The following IL1RAP variants were observed in gnomAD, a reference collection of about 807,000 sequenced individuals.
IL1RAP encodes the protein interleukin-1 receptor accessory protein.
Under a neutral mutation model 60.7 loss-of-function variants are expected in IL1RAP, and 35 were observed. That is an observed-to-expected ratio of 0.58 (90% confidence interval 0.44 to 0.76). The LOEUF (loss-of-function observed/expected upper bound fraction) is 0.76. Ranked by LOEUF, IL1RAP falls within the 30% of genes least tolerant of loss-of-function variation. IL1RAP has a pLI of 0.00. For missense variants in IL1RAP, 572 were observed against 693.9 expected (o/e 0.82, Z 1.97); for synonymous variants, 268 against 250.9 (o/e 1.07, Z -0.64).
At chr3:190,557,319 T>C (rs1443978199) in intron 2 of IL1RAP, among the ~76,000 whole-genome samples, 1 of 152,182 alleles carries the variant, frequency 6.6e-6, no homozygotes, top group Non-Finnish European at 1.5e-5. Flanking sequence ...ATTTCTTACC[T>C]CACCCCACAG....
intron 7 of IL1RAP, among the ~76,000 whole-genome samples, chr3:190,626,202 G>A (rs1732247775): frequency 6.6e-6 from 1 of 152,122 alleles, no homozygotes; most frequent in African/African-American, 2.4e-5. Flanking sequence ...TTTAACTTAG[G>A]AATATCATTT....
intron 3 of IL1RAP, among the ~76,000 whole-genome samples, chr3:190,567,631 G>A (rs1217090820): frequency 6.6e-6 from 1 of 152,046 alleles, no homozygotes; most frequent in Non-Finnish European, 1.5e-5. Context: ...AAATTACTAA[G>A]AAAAAAGATT....
At chr3:190,584,459 A>G (rs182008291) in intron 3 of IL1RAP, among the ~76,000 whole-genome samples, 2 of 152,354 alleles carry the variant, frequency 1.3e-5, no homozygotes, top group Non-Finnish European at 2.9e-5. Flanking sequence ...CAAAGTAGCT[A>G]TACTCAATTC....
At chr3:190,607,858 C>T (rs9875362) in intron 4 of IL1RAP, among the ~76,000 whole-genome samples, 12,075 of 152,146 alleles carry the variant, frequency 0.079, 945 homozygotes, top group African/African-American at 0.2. Context: ...TTTTCCTTGC[C>T]GATATGGCTC....
At chr3:190,519,999 C>G (rs1721872123) in intron 1 of IL1RAP, among the ~76,000 whole-genome samples, 1 of 152,174 alleles carries the variant, frequency 6.6e-6, no homozygotes, top group South Asian at 2.1e-4. Context: ...GGTAAATATT[C>G]ATTCCTTCCT....
In IL1RAP at chr3:190,573,498, T is replaced by C. The variant is rs751097718; in HGVS notation, c.64+9145T>C. 1.8e-4 allele frequency among the ~76,000 whole-genome samples: 27 copies of C among 152,290 alleles called. 2 individuals carry two copies. In the Middle Eastern group the frequency reaches 0.024, roughly 134 times the overall value. On this transcript the variant is annotated intron_variant, in intron 3 of 11. Transcript: ENST00000447382. ...ATGGAGTAATTAGTAATCGGAAGTG[T>C]TGGAGGACTTTCTCCCTCCCGCTGC...
chr3:190,639,973 C>A (rs1027246724), intron 9 of IL1RAP, among the ~76,000 whole-genome samples: 1 of 152,162 alleles, frequency 6.6e-6, no homozygotes, highest in Admixed American at 6.5e-5. Flanking sequence ...TTGATCTGTT[C>A]CCAGCTATTC....
At chr3:190,631,560 T>C (rs1227229903) in intron 9 of IL1RAP, among the ~76,000 whole-genome samples, 1 of 152,218 alleles carries the variant, frequency 6.6e-6, no homozygotes, top group Non-Finnish European at 1.5e-5. Flanking sequence ...CAGCTAATGC[T>C]GAAATTCAGA....
chr3:190,605,185 G>A (rs1730199197), intron 4 of IL1RAP, among the ~76,000 whole-genome samples: 1 of 152,054 alleles, frequency 6.6e-6, no homozygotes, highest in Non-Finnish European at 1.5e-5. Context: ...CCATATCTCT[G>A]GCAATCTAAG....
chr3:190,569,147 G>T (rs1055742070), intron 3 of IL1RAP, among the ~76,000 whole-genome samples: 4 of 152,218 alleles, frequency 2.6e-5, no homozygotes, highest in Admixed American at 2.6e-4. Context: ...AACAAATTAT[G>T]CAGGACGGGA....
intron 1 of IL1RAP, chr3:190,516,337 C>T (rs1721511181): frequency 6.6e-6 from 1 of 152,268 alleles, no homozygotes; most frequent in Non-Finnish European, 1.5e-5. Context: ...GCCTGAGAGA[C>T]AGGGGCCTTG....
At chr3:190,622,193 A>G (rs557681131) in intron 6 of IL1RAP, among the ~76,000 whole-genome samples, 55 of 152,364 alleles carry the variant, frequency 3.6e-4, no homozygotes, top group African/African-American at 1.2e-3. Flanking sequence ...TAAGACATCT[A>G]TCTCATGTAA....
At chr3:190,594,484 G>A (rs1729212145) in intron 3 of IL1RAP, among the ~76,000 whole-genome samples, 1 of 152,136 alleles carries the variant, frequency 6.6e-6, no homozygotes, top group South Asian at 2.1e-4. Context: ...GAAATGGGAT[G>A]GTAGGAGGAG....
At chr3:190,514,327 G>A (rs1721306132) in intron 1 of IL1RAP, 108 bp downstream of exon 1, 2 of 152,378 alleles carry the variant, frequency 1.3e-5, no homozygotes, top group African/African-American at 4.8e-5. Flanking sequence ...TTACAGAAGA[G>A]GAAACTGAGG....
At chr3:190,655,255 C>T (rs1734576360), downstream of IL1RAP, among the ~76,000 whole-genome samples, 1 of 152,050 alleles carries the variant, frequency 6.6e-6, no homozygotes, top group Admixed American at 6.5e-5. Flanking sequence ...TTAGAAGACA[C>T]ATCTATAAAC....
intron 1 of IL1RAP, among the ~76,000 whole-genome samples, chr3:190,551,709 G>A (rs1022361801): frequency 2.0e-5 from 3 of 152,040 alleles, no homozygotes; most frequent in African/African-American, 7.2e-5. Flanking sequence ...CTGTATTTAA[G>A]AGCCCCTGTC....
At chr3:190,577,100 C>CAAAA (rs34108263) in intron 3 of IL1RAP, among the ~76,000 whole-genome samples, 56 of 86,402 alleles carry the variant, frequency 6.5e-4, no homozygotes, top group African/African-American at 1.1e-3. Context: ...GACTCCGTCT[C>CAAAA]AAAAAAAAAA....
intron 3 of IL1RAP, among the ~76,000 whole-genome samples, chr3:190,569,048 G>C (rs182930341): frequency 6.6e-6 from 1 of 152,150 alleles, no homozygotes; most frequent in Non-Finnish European, 1.5e-5. Flanking sequence ...AGGAAGAAAC[G>C]CATCTCTTAT....
chr3:190,628,888 C>T (rs1577775922), intron 8 of IL1RAP, among the ~76,000 whole-genome samples: 1 of 152,268 alleles, frequency 6.6e-6, no homozygotes, highest in African/African-American at 2.4e-5. Flanking sequence ...GCATGTAATG[C>T]ACTGTGTGGG....
Sources: allele counts gnomAD v4.1 joint callset (sites outside exome capture counted in the v4.1 genomes callset), GRCh38; gene constraint gnomAD v4.1.1; transcripts MANE v1.5; gene names NCBI Gene and HGNC (gene_info 2026-07-23, HGNC 2026-07-21).